The following ECD variants were observed in gnomAD, a reference collection of about 807,000 sequenced individuals.
ECD encodes the protein protein ecdysoneless homolog.
ECD carries 59 observed loss-of-function variants against 77.2 expected under a neutral mutation model. That is an observed-to-expected ratio of 0.76 (90% CI 0.62 to 0.95). The LOEUF is 0.95. ECD is among the 40% of genes least tolerant of loss of function. The pLI, the probability that ECD is intolerant of heterozygous loss-of-function variation, is 0.00. For missense variants in ECD, 704 were observed against 763.4 expected, an observed-to-expected ratio of 0.92 and a Z score of 0.92; for synonymous variants, 233 against 267.4, an observed-to-expected ratio of 0.87 and a Z score of 1.26.
At chr10:73,154,610 C>A (rs558238016) in intron 5 of ECD, among the ~76,000 whole-genome samples, 162 bp from the exon 6 acceptor site, 1 of 151,626 alleles carries the variant, frequency 6.6e-6, no homozygotes, top group East Asian at 1.9e-4. Context: ...TAAGAATATA[C>A]GAGAGAGGGA....
intron 7 of ECD, among the ~76,000 whole-genome samples, chr10:73,148,851 G>A (rs1026520060): frequency 2.0e-5 from 3 of 152,026 alleles, no homozygotes; most frequent in Non-Finnish European, 2.9e-5. Flanking sequence ...GATGCACATG[G>A]CTAAATAATT....
intron 3 of ECD, among the ~76,000 whole-genome samples, chr10:73,158,375 C>CTACAATATATA (rs1248657743): frequency 1.2e-4 from 19 of 152,120 alleles, no homozygotes. Context: ...TTCAGCCATC[C>CTACAATATATA]TACAATATAT....
chr10:73,163,665 A>G (rs1418323035), intron 2 of ECD, 68 bp downstream of exon 2: 22 of 1,486,566 alleles, frequency 1.5e-5, no homozygotes, highest in Middle Eastern at 2.3e-4. Flanking sequence ...AGCGTGGACT[A>G]TTACACATCA....
intron 3 of ECD, among the ~76,000 whole-genome samples, chr10:73,159,448 A>G (rs954524848): frequency 6.6e-6 from 1 of 152,218 alleles, no homozygotes; most frequent in African/African-American, 2.4e-5. Flanking sequence ...ATGGAATTTT[A>G]TTTTTCAAAG....
intron 13 of ECD, among the ~76,000 whole-genome samples, chr10:73,135,356 T>C (rs1346467084): frequency 6.6e-6 from 1 of 152,158 alleles, no homozygotes; most frequent in East Asian, 1.9e-4. Context: ...CGATAGACTT[T>C]TATGTCCTTG....
chr10:73,162,564 T>C (rs1056984626), intron 2 of ECD, among the ~76,000 whole-genome samples: 7 of 152,358 alleles, frequency 4.6e-5, no homozygotes, highest in Admixed American at 3.3e-4. Flanking sequence ...GTAAGATATG[T>C]AGCAATTGTT....
At chr10:73,154,719 G>A (rs928291937) in intron 5 of ECD, among the ~76,000 whole-genome samples, 48 of 152,080 alleles carry the variant, frequency 3.2e-4, no homozygotes, top group Admixed American at 1.3e-4. Flanking sequence ...TGGATCACGA[G>A]GTCAGGAGAT....
In ECD at chr10:73,147,134, AT is replaced by A. The variant is rs577154057; in HGVS notation, c.1042-774del. 5.8e-4 allele frequency among the ~76,000 whole-genome samples: 88 copies of A among 152,262 alleles called. 2 individuals are homozygous for A. In the South Asian group the frequency reaches 7.1e-3, roughly 12 times the overall value. On this transcript the variant is annotated intron_variant, in intron 8 of 13. Coordinates refer to ENST00000372979, the MANE Select transcript of ECD (RefSeq NM_007265.3). ...TGGTGGCACATGCCTAGTCTCAGCT[AT>A]TTGAAAGGCTGAGGCAGGAGGATCA...
chr10:73,159,163 G>C (rs1843341756), intron 3 of ECD, among the ~76,000 whole-genome samples: 1 of 152,220 alleles, frequency 6.6e-6, no homozygotes, highest in African/African-American at 2.4e-5. Context: ...GAAAGAGGTT[G>C]AGTGGGTAAA....
At chr10:73,148,890 G>C (rs915027661) in intron 7 of ECD, among the ~76,000 whole-genome samples, 3 of 152,146 alleles carry the variant, frequency 2.0e-5, no homozygotes, top group Non-Finnish European at 4.4e-5. Flanking sequence ...GATCAAGCTA[G>C]AGAACACCAT....
chr10:73,138,159 A>G, intron 11 of ECD, 89 bp from the exon 12 acceptor site: 1 of 979,546 alleles, frequency 1.0e-6, no homozygotes, highest in Non-Finnish European at 1.4e-6. Flanking sequence ...TAGGAAAGCT[A>G]CCAAAGATAG....
intron 9 of ECD, among the ~76,000 whole-genome samples, chr10:73,143,874 TCATTTAGATCAGTGGTTCC>T (rs1197992486): frequency 1.3e-5 from 2 of 151,384 alleles, no homozygotes; most frequent in South Asian, 4.2e-4. Flanking sequence ...TGAAATCTAT[TCATTTAGATCAGTGGTTCC>T]CATTTAGATC....
At chr10:73,149,705 T>C (rs1348788215) in intron 7 of ECD, among the ~76,000 whole-genome samples, 1 of 152,220 alleles carries the variant, frequency 6.6e-6, no homozygotes, top group Non-Finnish European at 1.5e-5. Flanking sequence ...TATGATATTT[T>C]CAATTTTTGA....
At chr10:73,159,168 G>T (rs1304843952) in intron 3 of ECD, among the ~76,000 whole-genome samples, 1 of 152,082 alleles carries the variant, frequency 6.6e-6, no homozygotes, top group Non-Finnish European at 1.5e-5. Context: ...AGGTTGAGTG[G>T]GTAAAAAAAG....
chr10:73,151,998 T>C (rs1441665253), intron 7 of ECD, among the ~76,000 whole-genome samples: 1 of 152,176 alleles, frequency 6.6e-6, no homozygotes, highest in Admixed American at 6.6e-5. Context: ...TAAAAGGTTC[T>C]TGGTTTTTTT....
chr10:73,139,574 A>G (rs1843024606), intron 10 of ECD, 57 bp downstream of exon 10: 2 of 1,584,524 alleles, frequency 1.3e-6, no homozygotes, highest in Admixed American at 1.9e-5. Flanking sequence ...GAGACTGAGT[A>G]GAACATTTTA....
At chr10:73,135,852 T>A (rs1173468488) in intron 13 of ECD, among the ~76,000 whole-genome samples, 1 of 152,198 alleles carries the variant, frequency 6.6e-6, no homozygotes. Flanking sequence ...TATATTCGCA[T>A]TAAAATTTAA....
intron 9 of ECD, among the ~76,000 whole-genome samples, chr10:73,142,693 C>T (rs893201709): frequency 1.3e-5 from 2 of 151,846 alleles, no homozygotes; most frequent in Admixed American, 1.3e-4. Context: ...ATGACCACTG[C>T]CACCCATCCC....
intron 9 of ECD, among the ~76,000 whole-genome samples, chr10:73,140,068 T>TCC (rs1370526539): frequency 6.6e-6 from 1 of 151,954 alleles, no homozygotes; most frequent in African/African-American, 2.4e-5. Flanking sequence ...CACCACAACC[T>TCC]CCGCCTCCCA....
Sources: gnomAD v4.1 joint callset for allele counts (sites outside exome capture counted in the v4.1 genomes callset) on GRCh38, gnomAD v4.1.1 for gene constraint, MANE v1.5 for transcripts, NCBI Gene and HGNC (gene_info 2026-07-23, HGNC 2026-07-21) for gene names.